RABEP1: variants seen among roughly 807,000 people sequenced by gnomAD.
The protein encoded by RABEP1 is rab GTPase-binding effector protein 1.
In RABEP1, 51 loss-of-function variants were observed where a neutral mutation model predicts 123.4. The ratio of observed to expected loss-of-function variants is 0.41; its 90% CI spans 0.33 to 0.52. RABEP1 has a LOEUF of 0.52. RABEP1 is among the 20% of genes least tolerant of loss of function. The pLI is 0.16. For synonymous variants in RABEP1, 347 were observed against 355.2 expected, an observed-to-expected ratio of 0.98 and a Z score of 0.26; for missense variants, 888 against 996.3, an observed-to-expected ratio of 0.89 and a Z score of 1.46.
At chr17:5,341,244 G>C (rs1907578329) in intron 5 of RABEP1, among the ~76,000 whole-genome samples, 1 of 152,146 alleles carries the variant, frequency 6.6e-6, no homozygotes, top group African/African-American at 2.4e-5. Flanking sequence ...TGGCTCCACT[G>C]CACGCCAGCC....
At chr17:5,360,056 A>G (rs1052489644) in intron 8 of RABEP1, among the ~76,000 whole-genome samples, 10 of 152,186 alleles carry the variant, frequency 6.6e-5, no homozygotes, top group African/African-American at 2.4e-4. Context: ...AAACATTTTT[A>G]TCACTCCCAA....
Position 5,338,246 on chromosome 17 carries a change from C to G in RABEP1, c.648+108C>G, listed in dbSNP as rs192209896. ...AAAAAAACCTGTAATTTAGACTATGCATCTTAAGAATCTTTCTTTAAAATG... is the reference window on the plus strand; with the variant it reads ...AAAAAAACCTGTAATTTAGACTATGGATCTTAAGAATCTTTCTTTAAAATG... On this transcript the variant is annotated intron_variant, in intron 5 of 17. Transcript: ENST00000537505. The G allele has an allele frequency of 1.1e-3, 1,388 of 1,321,390 alleles. 2 individuals are homozygous for G. Among genetic ancestry groups the G allele is most frequent in the Non-Finnish European group, 1.2e-3 (1,175 of 986,188 alleles). 81.9% of individuals were successfully genotyped at this position (1,321,390 alleles called of 1,614,324 possible).
At chr17:5,326,605 C>T (rs1467422046) in intron 2 of RABEP1, among the ~76,000 whole-genome samples, 4 of 152,136 alleles carry the variant, frequency 2.6e-5, no homozygotes, top group Admixed American at 1.3e-4. Flanking sequence ...GAATGTAGCA[C>T]ATTTAAGAGT....
chr17:5,308,994 GA>G (rs746577871), intron 2 of RABEP1, among the ~76,000 whole-genome samples, 172 bp downstream of exon 2: 33 of 152,234 alleles, frequency 2.2e-4, no homozygotes, highest in Admixed American at 5.9e-4. Flanking sequence ...AAAACAAGTT[GA>G]AAAATGCCTT....
chr17:5,293,504 C>A (rs1324496890), intron 1 of RABEP1, among the ~76,000 whole-genome samples: 1 of 152,110 alleles, frequency 6.6e-6, no homozygotes, highest in Non-Finnish European at 1.5e-5. Context: ...GATCACGGCT[C>A]AATGTAACCT....
intron 8 of RABEP1, among the ~76,000 whole-genome samples, chr17:5,357,031 C>T (rs1355339040): frequency 3.9e-5 from 6 of 152,170 alleles, no homozygotes; most frequent in South Asian, 2.1e-4. Context: ...GCATGAGCCA[C>T]CACGCCAGGC....
intron 7 of RABEP1, among the ~76,000 whole-genome samples, chr17:5,353,949 C>T (rs551280008): frequency 6.6e-6 from 1 of 152,326 alleles, no homozygotes; most frequent in African/African-American, 2.4e-5. Context: ...TGCACCACTG[C>T]ATTCCAGCCT....
Position 5,361,325 on chromosome 17 carries a change from G to A in RABEP1, c.1213G>A (p.Ala405Thr), listed in dbSNP as rs1439313505. 1 of 1,614,170 alleles carries A rather than the reference G, an allele frequency of 6.2e-7. No homozygotes were observed. The highest frequency in any genetic ancestry group is 8.5e-7 in the Non-Finnish European group (1 of 1,180,036). The stretch of plus-strand genomic sequence containing the variant: ...CATGTTTAAAGATGGACTCAGGAGA[G>A]CACAGTCTACAGACAGCTTGGGAAC... ...NDMFKDGLRR[A>T]QSTDSLGTSG... The change falls in exon 9 of 18, where the codon GCA (alanine) becomes ACA (threonine). Residue 405 changes from alanine (A) to threonine (T), a missense_variant. Coordinates refer to ENST00000537505, the MANE Select transcript of RABEP1 (RefSeq NM_004703.6).
chr17:5,338,319 T>C (rs1236614662), intron 5 of RABEP1, among the ~76,000 whole-genome samples, 181 bp downstream of exon 5: 2 of 152,122 alleles, frequency 1.3e-5, no homozygotes, highest in African/African-American at 4.8e-5. Context: ...CCCAGCACTT[T>C]GGGAGGCTGA....
chr17:5,340,979 T>A (rs192729698), intron 5 of RABEP1, among the ~76,000 whole-genome samples: 47 of 127,014 alleles, frequency 3.7e-4, no homozygotes, highest in African/African-American at 8.9e-4. Context: ...ACAAAATAAA[T>A]GGAAATGAAT....
chr17:5,307,226 G>C (rs1169464945), intron 1 of RABEP1, among the ~76,000 whole-genome samples: 1 of 152,212 alleles, frequency 6.6e-6, no homozygotes, highest in African/African-American at 2.4e-5. Flanking sequence ...GCTGAGGCAG[G>C]AGAATTGCTT....
intron 7 of RABEP1, among the ~76,000 whole-genome samples, chr17:5,351,177 A>G (rs1908516589): frequency 6.6e-6 from 1 of 152,090 alleles, no homozygotes; most frequent in African/African-American, 2.4e-5. Flanking sequence ...ACATGATATG[A>G]ATGGAGAGGC....
intron 12 of RABEP1, among the ~76,000 whole-genome samples, chr17:5,373,078 G>A (rs1454522277): frequency 2.6e-5 from 4 of 152,124 alleles, no homozygotes; most frequent in African/African-American, 9.7e-5. Flanking sequence ...ATTTTTAAGC[G>A]GTTTGTAGAA....
At chr17:5,344,511 G>C (rs1245489514) in intron 5 of RABEP1, among the ~76,000 whole-genome samples, 4 of 152,088 alleles carry the variant, frequency 2.6e-5, no homozygotes, top group Non-Finnish European at 4.4e-5. Context: ...AGTGGCTCGT[G>C]CCTGTAATCC....
intron 8 of RABEP1, among the ~76,000 whole-genome samples, chr17:5,356,955 G>T (rs1028717839): frequency 6.6e-6 from 1 of 152,028 alleles, no homozygotes; most frequent in African/African-American, 2.4e-5. Flanking sequence ...TCAGCTCATT[G>T]CAACCTCTGC....
chr17:5,382,646 G>A (rs1224269644), intron 17 of RABEP1, among the ~76,000 whole-genome samples: 1 of 144,864 alleles, frequency 6.9e-6, no homozygotes, highest in African/African-American at 2.4e-5. Flanking sequence ...CAGCTACTTG[G>A]GAGGCTGAGA....
At position 5,383,603 on chromosome 17, in the gene RABEP1, AGAGAATTTGCTTT is replaced by A; in HGVS notation, c.*381_*393del. 1 of 274,614 alleles carries A rather than the reference AGAGAATTTGCTTT, an allele frequency of 3.6e-6. No homozygotes were observed. Among genetic ancestry groups the A allele is most frequent in the Non-Finnish European group, 7.0e-6 (1 of 142,776 alleles). 17.0% of individuals were successfully genotyped at this position (274,614 alleles called of 1,614,324 possible). ...ATTTTCTGTTCATAGATATTGGAAG[AGAGAATTTGCTTT>A]ATCTGTTGTCTAGAGCTCATCAGTA... On this transcript the variant is annotated 3_prime_UTR_variant, in exon 18 of 18. Transcript: ENST00000537505.
intron 16 of RABEP1, 181 bp downstream of exon 16, chr17:5,380,643 C>A: frequency 4.7e-6 from 3 of 634,296 alleles, no homozygotes; most frequent in Non-Finnish European, 8.6e-6. Flanking sequence ...TGGGTTAAAT[C>A]TTTTCTGCCA....
chr17:5,319,457 C>G (rs573727855), intron 2 of RABEP1, among the ~76,000 whole-genome samples: 1 of 151,860 alleles, frequency 6.6e-6, no homozygotes, highest in African/African-American at 2.4e-5. Context: ...ACCTCTGCCT[C>G]CCAGGTTCAA....
Sources: allele counts gnomAD v4.1 joint callset (sites outside exome capture counted in the v4.1 genomes callset), GRCh38; gene constraint gnomAD v4.1.1; transcripts MANE v1.5; gene names NCBI Gene and HGNC (gene_info 2026-07-23, HGNC 2026-07-21).